The following MADD variants were observed in gnomAD, a reference collection of about 807,000 sequenced individuals.
MADD encodes the protein MAP kinase-activating death domain protein.
MADD carries 109 observed loss-of-function variants against 176.7 expected under a neutral mutation model. That is an observed-to-expected ratio of 0.62 (90% confidence interval 0.53 to 0.72). The LOEUF is 0.72. Ranked by LOEUF, MADD falls within the 30% of genes least tolerant of loss-of-function variation. MADD has a pLI of 0.00. For synonymous variants in MADD, 771 were observed against 771.3 expected (o/e 1.00, Z 0.01); for missense variants, 1,914 against 2,045.5 (o/e 0.94, Z 1.24).
chr11:47,288,947 A>ATTG, intron 15 of MADD, 21 bp from the exon 16 acceptor site: 1 of 1,577,122 alleles, frequency 6.3e-7, no homozygotes, highest in South Asian at 1.2e-5. Context: ...ACACCTACTA[A>ATTG]TTGTGTATTT....
intron 23 of MADD, 77 bp from the exon 27 acceptor site, chr11:47,309,204 T>A: frequency 6.4e-7 from 1 of 1,571,708 alleles, no homozygotes. Flanking sequence ...TTATCTGGAT[T>A]TTACTCTTTA....
At chr11:47,309,712 T>C in intron 25 of MADD, 100 bp downstream of exon 28, 1 of 841,834 alleles carries the variant, frequency 1.2e-6, no homozygotes, top group Non-Finnish European at 2.0e-6. Flanking sequence ...TATCAAGGTA[T>C]CTTAACTTAG....
At chr11:47,298,690 A>C (rs971607876) in intron 22 of MADD, among the ~76,000 whole-genome samples, 5 of 152,024 alleles carry the variant, frequency 3.3e-5, no homozygotes, top group Non-Finnish European at 7.4e-5. Flanking sequence ...AGTTTAATAT[A>C]ATCCTGTTTT....
intron 28 of MADD, 196 bp downstream of exon 31, chr11:47,324,031 A>G (rs1027275277): frequency 3.0e-6 from 2 of 658,518 alleles, no homozygotes; most frequent in African/African-American, 3.6e-5. Flanking sequence ...TTAACCAACC[A>G]TATCTAGCAT....
intron 29 of MADD, 59 bp from the exon 33 acceptor site, chr11:47,324,412 A>C: frequency 6.2e-7 from 1 of 1,600,812 alleles, no homozygotes; most frequent in Non-Finnish European, 8.6e-7. Flanking sequence ...CTGGCAGGGA[A>C]GTCAGGGGTG....
chr11:47,289,591 C>G (rs1271316197), intron 16 of MADD, 98 bp downstream of exon 17: 2 of 1,001,368 alleles, frequency 2.0e-6, no homozygotes, highest in Admixed American at 3.6e-5. Context: ...GAGAAGCTCT[C>G]AATGGGGTAG....
chr11:47,311,452 TGTG>T (rs930727325), intron 25 of MADD, among the ~76,000 whole-genome samples: 2 of 152,178 alleles, frequency 1.3e-5, no homozygotes, highest in Non-Finnish European at 2.9e-5. Context: ...GGGTGAATGT[TGTG>T]GTATTGAGTG....
intron 22 of MADD, among the ~76,000 whole-genome samples, chr11:47,300,031 CTT>C (rs1416802492): frequency 1.3e-5 from 2 of 152,028 alleles, no homozygotes; most frequent in Non-Finnish European, 2.9e-5. Context: ...TCATATATGA[CTT>C]TTATTGTTTT....
chr11:47,313,842 C>G (rs1270021231), intron 26 of MADD, among the ~76,000 whole-genome samples: 6 of 151,974 alleles, frequency 3.9e-5, no homozygotes, highest in Admixed American at 2.0e-4. Context: ...TCACTACAAC[C>G]TCCGCCTCCC....
In MADD at chr11:47,289,527, A is replaced by G. The variant is rs370853194; in HGVS notation, c.2756+34A>G. ...TGGTAGAGCTGTTTTAAAAGTTCTC[A>G]GGCAGAGGTGGGGTGGTTCCTCTAC... is the stretch of plus-strand genomic sequence containing the variant. On this transcript the variant is annotated intron_variant, in intron 16 of 32. Transcript: ENST00000402192. The G allele has an allele frequency of 8.9e-6, 14 of 1,574,426 alleles. No homozygotes were observed. In the African/African-American group the frequency reaches 1.8e-4, roughly 20 times the overall value.
chr11:47,284,507 C>T, exon 12 of MADD: 2 of 1,614,122 alleles, frequency 1.2e-6, no homozygotes, highest in Non-Finnish European at 1.7e-6. Context: ...CCACTGCGCT[C>T]CAGCTCTAGC....
chr11:47,304,429 C>T (rs563336407), intron 22 of MADD, among the ~76,000 whole-genome samples: 1 of 152,172 alleles, frequency 6.6e-6, no homozygotes, highest in East Asian at 1.9e-4. Flanking sequence ...CGGGGTTTCT[C>T]CATGTTGCTT....
At chr11:47,275,729 CT>C (rs1336515412) in intron 3 of MADD, among the ~76,000 whole-genome samples, 169 bp from the exon 4 acceptor site, 4 of 152,194 alleles carry the variant, frequency 2.6e-5, no homozygotes, top group Non-Finnish European at 2.9e-5. Context: ...TTTACATTTG[CT>C]TTTGCCATTG....
At chr11:47,308,828 T>A in intron 23 of MADD, 129 bp downstream of exon 25, 2 of 1,015,864 alleles carry the variant, frequency 2.0e-6, no homozygotes, top group Non-Finnish European at 3.0e-6. Flanking sequence ...AGCAGTTTTA[T>A]ACCTGAAGCA....
At chr11:47,289,673 A>AG (rs1327300645) in intron 16 of MADD, among the ~76,000 whole-genome samples, 180 bp downstream of exon 17, 2 of 152,118 alleles carry the variant, frequency 1.3e-5, no homozygotes, top group Non-Finnish European at 2.9e-5. Context: ...TACAGTGTTG[A>AG]GGGGGGTTAA....
intron 27 of MADD, among the ~76,000 whole-genome samples, chr11:47,320,289 T>C (rs1032043607): frequency 6.6e-6 from 1 of 151,450 alleles, no homozygotes; most frequent in African/African-American, 2.4e-5. Flanking sequence ...ACCCTGCCTC[T>C]ACTAAAAATA....
intron 27 of MADD, among the ~76,000 whole-genome samples, chr11:47,317,344 T>C (rs2141472723): frequency 6.6e-6 from 1 of 152,322 alleles, no homozygotes; most frequent in Middle Eastern, 3.4e-3. Context: ...AGAAATGAGA[T>C]TGCTGGGTCA....
At chr11:47,297,786 TTTC>T (rs1384932800) in intron 22 of MADD, among the ~76,000 whole-genome samples, 1 of 128,618 alleles carries the variant, frequency 7.8e-6, no homozygotes, top group African/African-American at 3.4e-5. Flanking sequence ...TCTTTCTTTC[TTTC>T]TTTTTTTTTT....
At chr11:47,283,506 AT>A (rs1046886210) in intron 10 of MADD, among the ~76,000 whole-genome samples, 2 of 151,700 alleles carry the variant, frequency 1.3e-5, no homozygotes, top group African/African-American at 4.8e-5. Context: ...GGTTCAAGTG[AT>A]TCTCCTGCCT....
Sources: gnomAD v4.1 joint callset for allele counts (sites outside exome capture counted in the v4.1 genomes callset) on GRCh38, gnomAD v4.1.1 for gene constraint, MANE v1.5 for transcripts, NCBI Gene and HGNC (gene_info 2026-07-23, HGNC 2026-07-21) for gene names.